OXNAD1: variants seen among roughly 807,000 people sequenced by gnomAD.
The protein encoded by OXNAD1 is oxidoreductase NAD-binding domain-containing protein 1.
In OXNAD1, 34 loss-of-function variants were observed where a neutral mutation model predicts 32.9. That is an observed-to-expected ratio of 1.03 (90% CI 0.79 to 1.38). The LOEUF (loss-of-function observed/expected upper bound fraction) is 1.38. Among genes scored for constraint, OXNAD1 ranks in the 40% most tolerant of loss-of-function variants. The pLI, the probability that OXNAD1 is intolerant of heterozygous loss-of-function variation, is 0.00. For synonymous variants in OXNAD1, 134 were observed against 135.2 expected (o/e 0.99, Z 0.06); for missense variants, 407 against 379.4 (o/e 1.07, Z -0.60).
At position 16,327,965 on chromosome 3, in the gene OXNAD1, G is replaced by A. The variant is rs1044272876; in HGVS notation, c.*31-9147G>A. Among the ~76,000 whole-genome samples, 1 of 152,214 alleles carries A rather than the reference G, an allele frequency of 6.6e-6. No individual in the cohort carries two copies. The highest frequency in any genetic ancestry group is 2.4e-5 in the African/African-American group (1 of 41,444). On this transcript the variant is annotated intron_variant, in intron 9 of 9. Transcript: ENST00000435829. This position sits in a 1 kb window ranked among gnomAD's most constrained non-coding sequence, Gnocchi z 4.2. ...GTAACTGGACTCCTCATCCCTCATA[G>A]TTTGGCTTCTTGTAGTTGGCTTCCG...
chr3:16,332,675 A>G, intron 9 of OXNAD1, among the ~76,000 whole-genome samples: 1 of 152,224 alleles, frequency 6.6e-6, no homozygotes, highest in Non-Finnish European at 1.5e-5. Flanking sequence ...TGGGTTCTGC[A>G]AGAAACAAAT....
At position 16,269,243 on chromosome 3, in the gene OXNAD1, T is replaced by C; in HGVS notation, c.-41T>C. 6.5e-7 allele frequency: 1 copy of C among 1,535,536 alleles called. No homozygotes were observed. The highest frequency in any genetic ancestry group is 8.7e-7 in the Non-Finnish European group (1 of 1,146,828). On this transcript the variant is annotated 5_prime_UTR_variant, in exon 2 of 9. Transcript: ENST00000285083. ...TTCTGTCAATCAGCTGACCATATAC[T>C]TAATGACTCCTAAAATCTCGTGGAC...
Position 16,348,493 on chromosome 3 carries a change from T to C in OXNAD1, c.*31-683T>C, listed in dbSNP as rs1431306925. Among the ~76,000 whole-genome samples, 2 of 152,166 alleles carry C rather than the reference T, an allele frequency of 1.3e-5. No homozygotes were observed. The highest frequency in any genetic ancestry group is 2.9e-5 in the Non-Finnish European group (2 of 68,016). On this transcript the variant is annotated intron_variant, in intron 9 of 9. Coordinates refer to the OXNAD1 transcript ENST00000606098. This position sits in a 1 kb window ranked among gnomAD's most constrained non-coding sequence, Gnocchi z 6.3. ...CTGGCTTGACTTGCCAATACCCAGC[T>C]GGAGCCCACTGTGTCCAGGAGGCCT...
At chr3:16,324,689 T>A (rs1340500049) in intron 9 of OXNAD1, among the ~76,000 whole-genome samples, 1 of 116,522 alleles carries the variant, frequency 8.6e-6, no homozygotes, top group Non-Finnish European at 1.8e-5. Flanking sequence ...TGTGTGTATT[T>A]TATATATATA....
chr3:16,319,467 G>A (rs1229321871), intron 9 of OXNAD1, among the ~76,000 whole-genome samples: 3 of 152,132 alleles, frequency 2.0e-5, no homozygotes, highest in African/African-American at 4.8e-5. Flanking sequence ...CCAGGGCTGC[G>A]GTGCACACCT....
At chr3:16,343,566 A>G (rs1405048385) in intron 9 of OXNAD1, among the ~76,000 whole-genome samples, 2 of 152,256 alleles carry the variant, frequency 1.3e-5, no homozygotes, top group South Asian at 2.1e-4. Context: ...TATGGTGGTC[A>G]TGGTGGAACC....
At chr3:16,347,304 G>C (rs986329837) in intron 9 of OXNAD1, among the ~76,000 whole-genome samples, 2 of 152,204 alleles carry the variant, frequency 1.3e-5, no homozygotes, top group South Asian at 4.1e-4. Flanking sequence ...ATTTTCTAGG[G>C]GGGGCTATAA....
Position 16,329,866 on chromosome 3 carries a change from C to T in OXNAD1, c.*31-7246C>T, listed in dbSNP as rs949194813. Among the ~76,000 whole-genome samples the T allele has an allele frequency of 3.9e-5, 6 of 152,096 alleles. No individual in the cohort carries two copies. The highest frequency in any genetic ancestry group is 1.4e-4 in the African/African-American group (6 of 41,404). ...AAGCCCTGAGTGGCAGAATGGAGTC[C>T]TTTTATTGGTGGCTGCATCTCGGGC... On this transcript the variant is annotated intron_variant, in intron 9 of 9. Transcript: ENST00000435829. This position sits in a 1 kb window ranked among gnomAD's most constrained non-coding sequence, Gnocchi z 4.5.
chr3:16,269,550 CTT>C (rs1403100317), intron 2 of OXNAD1, among the ~76,000 whole-genome samples: 1 of 152,196 alleles, frequency 6.6e-6, no homozygotes, highest in Non-Finnish European at 1.5e-5. Flanking sequence ...CTGCATATGA[CTT>C]ATATCACCAT....
chr3:16,272,171 G>A (rs555297734), intron 4 of OXNAD1: 16 of 453,120 alleles, frequency 3.5e-5, no homozygotes, highest in South Asian at 2.2e-4. Context: ...AAGGGAGAAA[G>A]CACTAACATC....
At chr3:16,343,799 G>A (rs1326781489) in intron 9 of OXNAD1, among the ~76,000 whole-genome samples, 1 of 152,192 alleles carries the variant, frequency 6.6e-6, no homozygotes, top group African/African-American at 2.4e-5. Flanking sequence ...CTGACTCAAG[G>A]AGTTTGCATA....
chr3:16,291,832 G>T (rs2066449639), intron 5 of OXNAD1, among the ~76,000 whole-genome samples: 1 of 152,164 alleles, frequency 6.6e-6, no homozygotes. Context: ...TAGAGTGGCT[G>T]TGCCATTTTA....
chr3:16,265,884 A>G lies in OXNAD1; in HGVS notation c.-159+379A>G, dbSNP rs1051427152. On this transcript the variant is annotated intron_variant, in intron 1 of 8. Transcript: ENST00000285083. The surrounding 1 kb of genome is among the most constrained non-coding windows in gnomAD (Gnocchi z 4.8). ...TGTGAGTACCAGTTTTTTCGTTGTG[A>G]AAGAAATGGTGTCAGTAGGCAGGTT... 6.1e-6 allele frequency: 6 copies of G among 985,258 alleles called. No homozygotes were observed. In the African/African-American group the frequency reaches 1.0e-4, roughly 17 times the overall value. 61.0% of individuals were successfully genotyped at this position (985,258 alleles called of 1,614,324 possible).
Position 16,313,205 on chromosome 3 carries a change from A to ATTTTTTTTTTTTTTTTTTTTTTT in OXNAD1, c.*30+9631_*30+9632insTTTTTTTTTTTTTTTTTTTTTTT, listed in dbSNP as rs750491540. On this transcript the variant is annotated intron_variant, in intron 9 of 9. Transcript: ENST00000435829. The stretch of plus-strand genomic sequence containing the variant: ...GTACATGTACCACCACACCCAGCGG[A>ATTTTTTTTTTTTTTTTTTTTTTT]TTTTTTTTTTTTTTTTTTGCAGAGG... Among the ~76,000 whole-genome samples, 37 of 103,800 alleles carry ATTTTTTTTTTTTTTTTTTTTTTT rather than the reference A, an allele frequency of 3.6e-4. 2 individuals are homozygous for ATTTTTTTTTTTTTTTTTTTTTTT. The highest frequency in any genetic ancestry group is 4.4e-4 in the Non-Finnish European group (23 of 52,488). 68.1% of individuals were successfully genotyped at this position (103,800 alleles called of 152,430 possible). A position where few individuals can be genotyped will look rare whatever the true frequency, so the allele number is the denominator to read the frequency against.
In OXNAD1 at chr3:16,269,263, G is replaced by C. The variant is rs774824032; in HGVS notation, c.-21G>C. The C allele has an allele frequency of 1.3e-6, 2 of 1,535,260 alleles. No homozygotes were observed. Among genetic ancestry groups the C allele is most frequent in the African/African-American group, 1.4e-5 (1 of 73,126 alleles). ...TATACTTAATGACTCCTAAAATCTC[G>C]TGGACTTCTAAGGTAAGTTTCAACT... is the stretch of plus-strand genomic sequence containing the variant. On this transcript the variant is annotated 5_prime_UTR_variant, in exon 2 of 9. Transcript: ENST00000285083.
chr3:16,269,094 A>G (rs2064755797), intron 1 of OXNAD1, 32 bp from the exon 2 acceptor site: 1 of 1,419,648 alleles, frequency 7.0e-7, no homozygotes, highest in Non-Finnish European at 9.1e-7. Flanking sequence ...AGTTCCCCAA[A>G]ACATTGTTAT....
rs1010314996 is a variant in OXNAD1, at chr3:16,346,381, T to C, written c.*31-2795T>C. ...AGTGAAATATGGCTGTCTGAGAAAA[T>C]AGGACAATTGAGTTTATGGAAGAAA... On this transcript the variant is annotated intron_variant, in intron 9 of 9. Transcript: ENST00000606098. The surrounding 1 kb of genome is among the most constrained non-coding windows in gnomAD (Gnocchi z 4.4). The C allele has an allele frequency of 6.6e-6, 1 of 152,144 alleles. No individual in the cohort carries two copies. Among genetic ancestry groups the C allele is most frequent in the Non-Finnish European group, 1.5e-5 (1 of 68,012 alleles). 9.4% of individuals were successfully genotyped at this position (152,144 alleles called of 1,614,324 possible).
rs889874843 is a variant in OXNAD1 at position 16,335,900 on chromosome 3, G to A, written c.*31-1212G>A. On this transcript the variant is annotated intron_variant, in intron 9 of 9. Coordinates refer to the OXNAD1 transcript ENST00000435829. The surrounding 1 kb of genome is among the most constrained non-coding windows in gnomAD (Gnocchi z 4.7). The stretch of plus-strand genomic sequence containing the variant: ...CTCAGGAGGCCACAGGCAGGACTCC[G>A]CAGGAGGGAAGTGGCCGACAGCAAG... 2.6e-5 allele frequency among the ~76,000 whole-genome samples: 4 copies of A among 152,192 alleles called. No homozygotes were observed. The highest frequency in any genetic ancestry group is 1.9e-4 in the East Asian group (1 of 5,202).
downstream of OXNAD1, among the ~76,000 whole-genome samples, chr3:16,307,656 A>G (rs1237806661): frequency 2.0e-5 from 3 of 152,234 alleles, no homozygotes; most frequent in Non-Finnish European, 2.9e-5. Context: ...AAGAGAAGAA[A>G]AAAGATGGAA....
Sources: gnomAD v4.1 joint callset for allele counts (sites outside exome capture counted in the v4.1 genomes callset) on GRCh38, gnomAD v4.1.1 for gene constraint, Gnocchi (gnomAD v3.1) non-coding constraint, MANE v1.5 for transcripts, NCBI Gene and HGNC (gene_info 2026-07-23, HGNC 2026-07-21) for gene names.